MASP1: variants seen among roughly 807,000 people sequenced by gnomAD.
The protein encoded by MASP1 is MBL associated serine protease 1.
Under a neutral mutation model 77.1 loss-of-function variants are expected in MASP1, and 59 were observed. That is an observed-to-expected ratio of 0.77 (90% CI 0.62 to 0.95). MASP1 has a LOEUF of 0.95. Among genes scored for constraint, MASP1 ranks in the 40% least tolerant of loss-of-function variants. MASP1 has a pLI of 0.00. For synonymous variants in MASP1, 362 were observed against 354.5 expected, an observed-to-expected ratio of 1.02 and a Z score of -0.24; for missense variants, 885 against 912.9, an observed-to-expected ratio of 0.97 and a Z score of 0.39.
intron 4 of MASP1, 57 bp from the exon 5 acceptor site, chr3:187,256,917 G>C: frequency 2.0e-6 from 3 of 1,480,836 alleles, no homozygotes; most frequent in Non-Finnish European, 2.8e-6. Flanking sequence ...TAGCAAGCCT[G>C]GCTTATCTGT....
intron 5 of MASP1, among the ~76,000 whole-genome samples, chr3:187,254,220 C>T (rs914091472): frequency 2.0e-5 from 3 of 152,052 alleles, no homozygotes; most frequent in Non-Finnish European, 4.4e-5. Context: ...GAAATATATG[C>T]TGTATGTTTA....
intron 14 of MASP1, chr3:187,223,053 G>A: frequency 7.4e-7 from 1 of 1,349,074 alleles, no homozygotes; most frequent in Non-Finnish European, 1.1e-6. Flanking sequence ...AATCCCTAAG[G>A]GAACAATACG....
intron 2 of MASP1, among the ~76,000 whole-genome samples, chr3:187,265,274 A>G (rs1368563263): frequency 1.3e-5 from 2 of 152,204 alleles, no homozygotes; most frequent in African/African-American, 4.8e-5. Flanking sequence ...TGGTATCCCC[A>G]GTGCCTCTTG....
chr3:187,229,523 T>C (rs72549160), downstream of MASP1, among the ~76,000 whole-genome samples: 54 of 152,198 alleles, frequency 3.5e-4, no homozygotes, highest in African/African-American at 1.2e-3. Flanking sequence ...AGCCCTGGCA[T>C]GCCCTGTCTT....
At chr3:187,284,843 GATT>G (rs1010875853) in intron 2 of MASP1, among the ~76,000 whole-genome samples, 5 of 152,196 alleles carry the variant, frequency 3.3e-5, no homozygotes, top group Non-Finnish European at 7.3e-5. Flanking sequence ...GTTTGATTGA[GATT>G]ATAATTGTAA....
chr3:187,239,858 C>T (rs746283348), intron 10 of MASP1, among the ~76,000 whole-genome samples: 4 of 152,160 alleles, frequency 2.6e-5, no homozygotes, highest in Non-Finnish European at 5.9e-5. Flanking sequence ...GACAACCAGG[C>T]ATTGTTACTT....
Position 187,287,266 on chromosome 3 carries a change from C to T in MASP1, c.6-1210G>A, listed in dbSNP as rs574938895. ...TCATCTCAGTAGCCAGCCCTGTGAG[C>T]CCCCTGTTATTCTGGGAGCACACCA... On this transcript the variant is annotated intron_variant, in intron 1 of 10. Transcript: ENST00000296280. Among the ~76,000 whole-genome samples the T allele has an allele frequency of 5.3e-5, 8 of 152,246 alleles. No homozygotes were observed. In the South Asian group the frequency reaches 1.5e-3, roughly 28 times the overall value.
chr3:187,260,642 C>G, intron 4 of MASP1, 99 bp downstream of exon 4: 5 of 1,534,282 alleles, frequency 3.3e-6, no homozygotes, highest in Non-Finnish European at 4.5e-6. Context: ...TTCATTTTTA[C>G]TTGTTCCTAT....
chr3:187,241,059 G>T (rs2108521266), intron 10 of MASP1, among the ~76,000 whole-genome samples: 1 of 152,292 alleles, frequency 6.6e-6, no homozygotes, highest in African/African-American at 2.4e-5. Flanking sequence ...AATCGGAAAG[G>T]CTTGACTACG....
At chr3:187,227,083 G>T (rs1712481279) in intron 11 of MASP1, among the ~76,000 whole-genome samples, 1 of 152,172 alleles carries the variant, frequency 6.6e-6, no homozygotes, top group African/African-American at 2.4e-5. Context: ...CCTGGTGAAT[G>T]AAAAAAGAGT....
rs72549179 is a variant in MASP1 at position 187,241,188 on chromosome 3, G to A, written c.1303+293C>T. Reference sequence around the variant, plus strand: ...GGGTGCCCACTTTTTAAATTTCCCCGGCACAACAGCAGATGCACATGCAAA... The same window carrying A: ...GGGTGCCCACTTTTTAAATTTCCCCAGCACAACAGCAGATGCACATGCAAA... On this transcript the variant is annotated intron_variant, in intron 10 of 10. Coordinates refer to ENST00000296280, the MANE Select transcript of MASP1 (RefSeq NM_139125.4). Among the ~76,000 whole-genome samples the A allele has an allele frequency of 2.3e-3, 346 of 152,128 alleles. 2 individuals are homozygous for A. Among genetic ancestry groups the A allele is most frequent in the African/African-American group, 7.8e-3 (323 of 41,468 alleles).
intron 1 of MASP1, among the ~76,000 whole-genome samples, chr3:187,286,272 T>C (rs1017513543): frequency 1.3e-5 from 2 of 152,262 alleles, no homozygotes; most frequent in African/African-American, 4.8e-5. Flanking sequence ...CATTCAAAGC[T>C]CTGATAATAG....
intron 5 of MASP1, 141 bp downstream of exon 5, chr3:187,256,523 T>C: frequency 1.3e-6 from 1 of 793,910 alleles, no homozygotes; most frequent in South Asian, 1.5e-5. Flanking sequence ...GTAGATATTA[T>C]TTTAAATAAT....
At chr3:187,246,577 A>T in intron 8 of MASP1, 1 of 985,640 alleles carries the variant, frequency 1.0e-6, no homozygotes, top group South Asian at 4.7e-5. Flanking sequence ...GGAAGCAGAG[A>T]TTCCAGCTGC....
chr3:187,258,049 C>CA (rs954561727), intron 4 of MASP1, among the ~76,000 whole-genome samples: 4 of 152,110 alleles, frequency 2.6e-5, no homozygotes, highest in Non-Finnish European at 2.9e-5. Context: ...CCATGCCAGG[C>CA]AAGGGTTAAG....
chr3:187,232,567 C>T (rs141908832), downstream of MASP1, among the ~76,000 whole-genome samples: 4 of 152,248 alleles, frequency 2.6e-5, no homozygotes, highest in East Asian at 7.7e-4. Context: ...CTGAATCAAT[C>T]ACATCCTTGT....
chr3:187,224,314 C>A (rs1712246517), intron 13 of MASP1, among the ~76,000 whole-genome samples: 1 of 150,722 alleles, frequency 6.6e-6, no homozygotes, highest in Non-Finnish European at 1.5e-5. Flanking sequence ...GAAATGGTCA[C>A]AGTGGTGTTT....
At chr3:187,262,372 A>G (rs541363861) in intron 3 of MASP1, among the ~76,000 whole-genome samples, 171 bp downstream of exon 3, 45 of 152,340 alleles carry the variant, frequency 3.0e-4, no homozygotes, top group African/African-American at 1.1e-3. Flanking sequence ...CTGGATGGAT[A>G]GAGGGTAGAT....
intron 5 of MASP1, among the ~76,000 whole-genome samples, chr3:187,255,490 G>A (rs1340156981): frequency 6.6e-6 from 1 of 152,202 alleles, no homozygotes; most frequent in Non-Finnish European, 1.5e-5. Context: ...ACCCCATTGT[G>A]CTCACTGGGA....
Sources: gnomAD v4.1 joint callset for allele counts (sites outside exome capture counted in the v4.1 genomes callset) on GRCh38, gnomAD v4.1.1 for gene constraint, MANE v1.5 for transcripts, NCBI Gene and HGNC (gene_info 2026-07-23, HGNC 2026-07-21) for gene names.